SNTG2: variants seen among roughly 807,000 people sequenced by gnomAD.
SNTG2 encodes gamma-2-syntrophin.
A neutral mutation model predicts 70.9 loss-of-function variants in SNTG2; 74 were observed. The observed-to-expected ratio is 1.04, with a 90% CI of 0.86 to 1.27. SNTG2 has a LOEUF of 1.27. SNTG2 is among the 50% of genes most tolerant of loss of function. The pLI, the probability that SNTG2 is intolerant of heterozygous loss-of-function variation, is 0.00. For missense variants in SNTG2, 717 were observed against 690.7 expected, an observed-to-expected ratio of 1.04 and a Z score of -0.43; for synonymous variants, 278 against 273.8, an observed-to-expected ratio of 1.02 and a Z score of -0.15.
chr2:1,062,841 A>G (rs1662909312), intron 1 of SNTG2, among the ~76,000 whole-genome samples: 1 of 152,240 alleles, frequency 6.6e-6, no homozygotes, highest in South Asian at 2.1e-4. Context: ...GTATTATATA[A>G]AATGGAAAAA....
At chr2:1,069,765 T>C (rs770381367) in intron 1 of SNTG2, among the ~76,000 whole-genome samples, 26 of 152,030 alleles carry the variant, frequency 1.7e-4, no homozygotes, top group Non-Finnish European at 3.1e-4. Context: ...CACTGCAGCC[T>C]GGCGACAGAG....
At chr2:1,356,937 T>G (rs976819921) in intron 16 of SNTG2, among the ~76,000 whole-genome samples, 2 of 149,704 alleles carry the variant, frequency 1.3e-5, no homozygotes, top group Non-Finnish European at 3.0e-5. Context: ...TGTAAGTGGG[T>G]TTTTTTTTTT....
At chr2:1,145,619 A>G (rs996163772) in intron 6 of SNTG2, among the ~76,000 whole-genome samples, 2 of 152,246 alleles carry the variant, frequency 1.3e-5, no homozygotes, top group African/African-American at 4.8e-5. Flanking sequence ...GAGTTCTACC[A>G]AACATTACAG....
At chr2:1,333,601 A>G (rs1008017445) in intron 16 of SNTG2, among the ~76,000 whole-genome samples, 9 of 152,218 alleles carry the variant, frequency 5.9e-5, no homozygotes, top group African/African-American at 2.2e-4. Flanking sequence ...ACATAGACCA[A>G]TGGAACAGAA....
intron 9 of SNTG2, among the ~76,000 whole-genome samples, chr2:1,219,141 C>T (rs897770741): frequency 6.6e-5 from 10 of 152,090 alleles, no homozygotes; most frequent in Non-Finnish European, 1.2e-4. Flanking sequence ...TCATGAGAAC[C>T]AGCTGTTAAA....
intron 9 of SNTG2, among the ~76,000 whole-genome samples, chr2:1,214,460 C>A (rs1674246362): frequency 6.6e-6 from 1 of 152,056 alleles, no homozygotes; most frequent in African/African-American, 2.4e-5. Context: ...GATCTTTCAT[C>A]TCTTTCGTTA....
intron 15 of SNTG2, among the ~76,000 whole-genome samples, chr2:1,315,206 C>T (rs1318138082): frequency 6.6e-6 from 1 of 152,182 alleles, no homozygotes; most frequent in African/African-American, 2.4e-5. Context: ...TTTCCCAAAA[C>T]CTAGAGGAAA....
chr2:1,143,066 C>T (rs1211926899), intron 6 of SNTG2, among the ~76,000 whole-genome samples: 1 of 152,104 alleles, frequency 6.6e-6, no homozygotes, highest in African/African-American at 2.4e-5. Flanking sequence ...CTCTGGGCAA[C>T]AGTGACTGCC....
In SNTG2 at chr2:1,063,510, G is replaced by A. The variant is rs549479745; in HGVS notation, c.73-20008G>A. ...AGCTTTCAGCAGGATGGTAAAATGC[G>A]GTGTAAGAATAGGAAACCCAGGGAT... On this transcript the variant is annotated intron_variant, in intron 1 of 16. Transcript: ENST00000308624. 5.4e-4 allele frequency among the ~76,000 whole-genome samples: 82 copies of A among 152,224 alleles called. 1 individual carries two copies. In the South Asian group the frequency reaches 0.014, roughly 26 times the overall value.
intron 8 of SNTG2, among the ~76,000 whole-genome samples, chr2:1,174,648 C>T (rs1671352406): frequency 1.3e-5 from 2 of 152,174 alleles, no homozygotes; most frequent in Non-Finnish European, 2.9e-5. Context: ...TTTATATTCA[C>T]ACAGCTCTGG....
intron 6 of SNTG2, chr2:1,160,540 A>C (rs1187973907): frequency 1.3e-5 from 2 of 152,224 alleles, no homozygotes; most frequent in Non-Finnish European, 2.9e-5. Flanking sequence ...GAGAAACTGC[A>C]CTGATGTCAC....
At chr2:1,126,596 C>T (rs926086352) in intron 4 of SNTG2, among the ~76,000 whole-genome samples, 3 of 152,164 alleles carry the variant, frequency 2.0e-5, no homozygotes, top group African/African-American at 7.2e-5. Context: ...TTACCACCAG[C>T]AGTGTGAGTT....
In SNTG2 at chr2:1,130,936, G is replaced by A. The variant is rs192281733; in HGVS notation, c.326-6686G>A. ...GCAGCCTATCATCAATACCATAGTA[G>A]TTTTTCTATAGTTTTGACTAAATGG... is the stretch of plus-strand genomic sequence containing the variant. On this transcript the variant is annotated intron_variant, in intron 4 of 16. Coordinates refer to ENST00000308624, the MANE Select transcript of SNTG2 (RefSeq NM_018968.4). Among the ~76,000 whole-genome samples, 924 of 152,288 alleles carry A rather than the reference G, an allele frequency of 6.1e-3. 2 individuals carry two copies. Among genetic ancestry groups the A allele is most frequent in the Non-Finnish European group, 7.8e-3 (531 of 68,032 alleles).
intron 1 of SNTG2, among the ~76,000 whole-genome samples, chr2:1,083,261 C>A (rs113462029): frequency 0.28 from 3,943 of 14,056 alleles, 206 homozygotes; most frequent in African/African-American, 0.41. Context: ...AAAAAAAAAA[C>A]AAACGCCTGG....
intron 8 of SNTG2, among the ~76,000 whole-genome samples, chr2:1,203,666 A>AC (rs201877447): frequency 0.37 from 49,511 of 134,114 alleles, 8,884 homozygotes; most frequent in East Asian, 0.67. Flanking sequence ...AAACAAACAA[A>AC]AAAAAAAATA....
chr2:1,323,639 C>T (rs898024420), intron 16 of SNTG2, among the ~76,000 whole-genome samples: 2 of 151,028 alleles, frequency 1.3e-5, no homozygotes, highest in Non-Finnish European at 3.0e-5. Flanking sequence ...TGGCTAAGAC[C>T]CCCCAGTAGA....
chr2:1,007,712 C>T (rs1419406870), intron 1 of SNTG2, among the ~76,000 whole-genome samples: 1 of 152,204 alleles, frequency 6.6e-6, no homozygotes, highest in Non-Finnish European at 1.5e-5. Context: ...AGATGCACAT[C>T]CCTTGTATTG....
At chr2:1,167,832 C>T (rs1670837026) in intron 7 of SNTG2, among the ~76,000 whole-genome samples, 1 of 127,868 alleles carries the variant, frequency 7.8e-6, no homozygotes, top group African/African-American at 3.4e-5. Flanking sequence ...AGGCCGCCCA[C>T]AGACGACAGA....
chr2:1,263,770 C>G (rs555798022), intron 13 of SNTG2, among the ~76,000 whole-genome samples: 1 of 152,296 alleles, frequency 6.6e-6, no homozygotes, highest in South Asian at 2.1e-4. Context: ...GCCACTCTGT[C>G]ATGTGAAGTT....
Sources: allele counts gnomAD v4.1 joint callset (sites outside exome capture counted in the v4.1 genomes callset), GRCh38; gene constraint gnomAD v4.1.1; transcripts MANE v1.5; gene names NCBI Gene and HGNC (gene_info 2026-07-23, HGNC 2026-07-21).